RIOK3: variants seen among roughly 807,000 people sequenced by gnomAD.
The protein encoded by RIOK3 is serine/threonine-protein kinase RIO3.
RIOK3 carries 40 observed loss-of-function variants against 63.5 expected under a neutral mutation model. The observed-to-expected ratio is 0.63, with a 90% CI of 0.49 to 0.82. The LOEUF (loss-of-function observed/expected upper bound fraction) is 0.82, where lower values mean the gene tolerates loss of function less well. Among genes scored for constraint, RIOK3 ranks in the 40% least tolerant of loss-of-function variants. RIOK3 has a pLI of 0.00. For missense variants in RIOK3, 557 were observed against 637.0 expected, an observed-to-expected ratio of 0.87 and a Z score of 1.35; for synonymous variants, 193 against 205.0, an observed-to-expected ratio of 0.94 and a Z score of 0.50.
chr18:23,467,423 C>T lies in RIOK3; in HGVS notation c.712C>T (p.Arg238Cys). The change falls in exon 7 of 13, where the codon CGT (arginine) becomes TGT (cysteine). Residue 238 changes from arginine (R) to cysteine (C), a missense_variant. Coordinates refer to ENST00000339486, the MANE Select transcript of RIOK3 (RefSeq NM_003831.5). The part of the protein sequence containing the change: ...TAEKAVDPKT[R>C]LLMYKMVNSG... The stretch of plus-strand genomic sequence containing the variant: ...GGAAAAAGCAGTTGATCCTAAGACA[C>T]GTTTACTTATGTATAAAATGGTCAA... 1.2e-6 allele frequency: 2 copies of T among 1,612,432 alleles called. No homozygotes were observed. Among genetic ancestry groups the T allele is most frequent in the Non-Finnish European group, 1.7e-6 (2 of 1,178,950 alleles).
chr18:23,478,435 T>C (rs1042288487), intron 11 of RIOK3, among the ~76,000 whole-genome samples: 5 of 151,862 alleles, frequency 3.3e-5, no homozygotes, highest in African/African-American at 1.2e-4. Context: ...CTGGGTGTGG[T>C]GGAACATGTC....
Position 23,481,304 on chromosome 18 carries a change from TAACAC to T in RIOK3, c.*27_*31del. 1 of 1,393,476 alleles carries T rather than the reference TAACAC, an allele frequency of 7.2e-7. No homozygotes were observed. Among genetic ancestry groups the T allele is most frequent in the Non-Finnish European group, 9.9e-7 (1 of 1,006,594 alleles). 86.3% of individuals were successfully genotyped at this position (1,393,476 alleles called of 1,614,324 possible). ...GCACTAATACCCACTGCTTCAGTGT[TAACAC>T]AGCAGTGATTGTCAGCTGCCAATAG... On this transcript the variant is annotated 3_prime_UTR_variant, in exon 13 of 13. Coordinates refer to ENST00000339486, the MANE Select transcript of RIOK3 (RefSeq NM_003831.5).
rs35068677 is a variant in RIOK3 at position 23,466,215 on chromosome 18, A to G, written c.626A>G (p.His209Arg). Residue 209 changes from histidine (H) to arginine (R), a missense_variant, in exon 6 of 13, where the codon CAT (histidine) becomes CGT (arginine). His to Arg is a conservative substitution (Grantham distance 29). Around this residue, in one of 3 missense-constraint regions of RIOK3, gnomAD observed 243 missense variants for 275.4 expected, o/e 0.88. Transcript: ENST00000339486. ...CATGTTTTCAATGCTTTAAAACAAC[A>G]TGCCTACTCAGAAGAACGTCGAAGT... ...SNHVFNALKQ[H>R]AYSEERRSAR... 1.2e-6 allele frequency: 2 copies of G among 1,612,672 alleles called. No individual in the cohort carries two copies. Among genetic ancestry groups the G allele is most frequent in the Non-Finnish European group, 1.7e-6 (2 of 1,179,216 alleles).
Position 23,467,424 on chromosome 18 carries a change from G to A in RIOK3, c.713G>A (p.Arg238His), listed in dbSNP as rs189141225. The A allele has an allele frequency of 1.9e-6, 3 of 1,612,604 alleles. No individual in the cohort carries two copies. The highest frequency in any genetic ancestry group is 2.2e-5 in the East Asian group (1 of 44,808). ...GAAAAAGCAGTTGATCCTAAGACAC[G>A]TTTACTTATGTATAAAATGGTCAAC... ...TAEKAVDPKT[R>H]LLMYKMVNSG... The change falls in exon 7 of 13, where the codon CGT becomes CAT. Residue 238 changes from arginine (R) to histidine (H), a missense_variant. This residue lies in a region of RIOK3 where 5 missense variants were observed against 22.8 expected (regional missense o/e 0.22). Transcript: ENST00000339486.
rs540346194 is a variant in RIOK3, at chr18:23,467,680, A to G, written c.815+154A>G. ...AAGTCTAGGCAGTATAGGAATGTAT[A>G]AAAAACACAGTCATCCTAATACCAC... On this transcript the variant is annotated intron_variant, in intron 7 of 12. Coordinates refer to ENST00000339486, the MANE Select transcript of RIOK3 (RefSeq NM_003831.5). 4 of 549,946 alleles carry G rather than the reference A, an allele frequency of 7.3e-6. No individual in the cohort carries two copies. The South Asian group carries it at 1.2e-4, about 16-fold the overall frequency. The allele number at this position is 549,946 out of a possible 1,614,324, so 34.1% of individuals were successfully genotyped here. A position where few individuals can be genotyped will look rare whatever the true frequency, so the allele number is the denominator to read the frequency against.
At chr18:23,462,822 G>A (rs1028507608) in intron 1 of RIOK3, 142 bp from the exon 2 acceptor site, 2 of 449,264 alleles carry the variant, frequency 4.5e-6, no homozygotes, top group Non-Finnish European at 7.7e-6. Context: ...TTACTTTTGA[G>A]ATGATTTCTG....
chr18:23,453,649 G>T (rs1478275308), intron 1 of RIOK3, 147 bp downstream of exon 1: 1 of 713,870 alleles, frequency 1.4e-6, no homozygotes, highest in Non-Finnish European at 2.5e-6. Context: ...GGCCGCGGGG[G>T]TGCCGGGATG....
chr18:23,462,913 T>G (rs1308227314), intron 1 of RIOK3, 51 bp from the exon 2 acceptor site: 1 of 777,782 alleles, frequency 1.3e-6, no homozygotes, highest in Non-Finnish European at 2.0e-6. Context: ...AAATGAGAGG[T>G]ACTTTATTTC....
At chr18:23,470,005 T>A (rs773728748) in intron 7 of RIOK3, among the ~76,000 whole-genome samples, 63 of 152,134 alleles carry the variant, frequency 4.1e-4, no homozygotes, top group Non-Finnish European at 7.8e-4. Context: ...CGAGACCTTA[T>A]ATGGGATAGG....
At chr18:23,473,750 A>AT in intron 8 of RIOK3, 124 bp downstream of exon 8, 1 of 680,152 alleles carries the variant, frequency 1.5e-6, no homozygotes, top group Non-Finnish European at 2.4e-6. Context: ...TATAACCTCG[A>AT]TTCATACTTT....
intron 7 of RIOK3, among the ~76,000 whole-genome samples, chr18:23,469,419 TCTCTCTCTCTCCCTCTCCTCTCTC>T (rs2057440091): frequency 1.7e-5 from 2 of 120,942 alleles, no homozygotes; most frequent in Non-Finnish European, 3.5e-5. Context: ...CTCCTCTCTC[TCTCTCTCTCTCCCTCTCCTCTCTC>T]CTCTCTCTCT....
intron 6 of RIOK3, among the ~76,000 whole-genome samples, chr18:23,467,168 G>C (rs1325442372): frequency 6.6e-6 from 1 of 152,082 alleles, no homozygotes; most frequent in African/African-American, 2.4e-5. Context: ...ACAAAAATTA[G>C]CCAGGTGTGG....
chr18:23,483,040 CAT>C lies in RIOK3; in HGVS notation c.*1764_*1765del, dbSNP rs1283439822. 2.0e-5 allele frequency: 3 copies of C among 152,108 alleles called. No individual in the cohort carries two copies. The highest frequency in any genetic ancestry group is 1.3e-4 in the Admixed American group (2 of 15,264). The allele number at this position is 152,108 out of a possible 1,614,324, so 9.4% of individuals were successfully genotyped here. A position where few individuals can be genotyped will look rare whatever the true frequency, so the allele number is the denominator to read the frequency against. ...AAACTTTTTTTGTTTTGTTTTCTGA[CAT>C]ATTCTGACAAAGAGCAGCAAACCAC... On this transcript the variant is annotated 3_prime_UTR_variant, in exon 13 of 13. Coordinates refer to ENST00000339486, the MANE Select transcript of RIOK3 (RefSeq NM_003831.5).
intron 1 of RIOK3, among the ~76,000 whole-genome samples, chr18:23,457,899 C>CTT (rs551826447): frequency 7.0e-6 from 1 of 143,596 alleles, no homozygotes; most frequent in African/African-American, 2.5e-5. Context: ...TGCTGGTTTT[C>CTT]TTTTTTTTTT....
chr18:23,469,710 A>G (rs2057443350), intron 7 of RIOK3, among the ~76,000 whole-genome samples: 1 of 151,646 alleles, frequency 6.6e-6, no homozygotes, highest in Admixed American at 6.6e-5. Context: ...CTGGTCTCAA[A>G]TTCCTGACCT....
In RIOK3 at chr18:23,464,561, G is replaced by A; in HGVS notation, c.476G>A (p.Gly159Glu). 2 of 1,608,192 alleles carry A rather than the reference G, an allele frequency of 1.2e-6. No homozygotes were observed. Among genetic ancestry groups the A allele is most frequent in the South Asian group, 1.1e-5 (1 of 89,382 alleles). Reference protein sequence around the residue: ...PTPKKGFIGKGKDITTKHDEV... With the variant: ...PTPKKGFIGKEKDITTKHDEV... ...CCTAAAAAGGGCTTTATTGGAAAAG[G>A]AAAAGATATCACCACCAAACATGAT... The change falls in exon 5 of 13, where the codon GGA (glycine) becomes GAA (glutamate). Residue 159 changes from glycine (G) to glutamate (E), a missense_variant. This residue lies in a region of RIOK3 where 243 missense variants were observed against 275.4 expected (regional missense o/e 0.88). Transcript: ENST00000339486.
At chr18:23,475,462 C>CAAAAAAAAAAAAAAAAA (rs60717269) in intron 9 of RIOK3, among the ~76,000 whole-genome samples, 3 of 99,310 alleles carry the variant, frequency 3.0e-5, no homozygotes, top group African/African-American at 8.4e-5. Context: ...GACTCTGTCT[C>CAAAAAAAAAAAAAAAAA]AAAAAAAAAA....
Position 23,466,113 on chromosome 18 carries a change from C to G in RIOK3, c.544-20C>G. The G allele has an allele frequency of 6.4e-7, 1 of 1,552,954 alleles. No individual in the cohort carries two copies. Among genetic ancestry groups the G allele is most frequent in the South Asian group, 1.2e-5 (1 of 80,096 alleles). ...GTCCCTATTTTAAAATATTTAGATGCTAATTCTTCCTTTTGGCAGTTTGCA... is the reference window on the plus strand; with the variant it reads ...GTCCCTATTTTAAAATATTTAGATGGTAATTCTTCCTTTTGGCAGTTTGCA... On this transcript the variant is annotated intron_variant, in intron 5 of 12. Transcript: ENST00000339486.
At chr18:23,468,325 G>C (rs1288222859) in intron 7 of RIOK3, among the ~76,000 whole-genome samples, 1 of 98,096 alleles carries the variant, frequency 1.0e-5, no homozygotes, top group Non-Finnish European at 2.0e-5. Flanking sequence ...TTTGGGAGAT[G>C]GAGTTTTGCT....
Sources: gnomAD v4.1 joint callset for allele counts (sites outside exome capture counted in the v4.1 genomes callset) on GRCh38, gnomAD v4.1.1 for gene constraint, gnomAD v4.1.1 regional missense constraint, MANE v1.5 for transcripts, NCBI Gene and HGNC (gene_info 2026-07-23, HGNC 2026-07-21) for gene names.